KIAA1217: variants seen among roughly 807,000 people sequenced by gnomAD.
The protein encoded by KIAA1217 is KIAA1217.
KIAA1217 carries 88 observed loss-of-function variants against 163.9 expected under a neutral mutation model. The ratio of observed to expected loss-of-function variants is 0.54; its 90% confidence interval spans 0.45 to 0.64. The LOEUF (loss-of-function observed/expected upper bound fraction) is 0.64. Ranked by LOEUF, KIAA1217 falls within the 30% of genes least tolerant of loss-of-function variation. The probability of loss-of-function intolerance (pLI) is 0.00; values close to 1 mark genes in which losing one functional copy is unlikely to be tolerated. For synonymous variants in KIAA1217, 903 were observed against 923.1 expected (o/e 0.98, Z 0.39); for missense variants, 2,372 against 2,475.0 (o/e 0.96, Z 0.88).
intron 1 of KIAA1217, among the ~76,000 whole-genome samples, chr10:23,707,628 C>T (rs1055759100): frequency 2.0e-5 from 3 of 152,130 alleles, no homozygotes; most frequent in Non-Finnish European, 4.4e-5. Context: ...CTGTTAGATA[C>T]AATGTTCACT....
At chr10:23,922,131 C>T (rs990049965) in intron 1 of KIAA1217, among the ~76,000 whole-genome samples, 4 of 152,062 alleles carry the variant, frequency 2.6e-5, no homozygotes, top group African/African-American at 9.7e-5. Context: ...AATGCAACCT[C>T]TGGCCAATAA....
chr10:23,898,560 C>A (rs1256450530), intron 1 of KIAA1217, among the ~76,000 whole-genome samples: 2 of 151,974 alleles, frequency 1.3e-5, no homozygotes, highest in African/African-American at 4.8e-5. Context: ...TATTCTTCTG[C>A]AACTTTCTTC....
intron 1 of KIAA1217, among the ~76,000 whole-genome samples, chr10:23,697,727 A>G (rs1039812090): frequency 6.6e-6 from 1 of 151,300 alleles, no homozygotes; most frequent in African/African-American, 2.4e-5. Context: ...AAAAAAAAAA[A>G]ATTAGCTGGC....
chr10:24,509,576 A>T (rs967402136), intron 9 of KIAA1217, among the ~76,000 whole-genome samples: 2 of 152,176 alleles, frequency 1.3e-5, no homozygotes, highest in Non-Finnish European at 2.9e-5. Flanking sequence ...TCATAGAGCA[A>T]ATACAGTTGC....
intron 6 of KIAA1217, among the ~76,000 whole-genome samples, chr10:24,492,336 TG>T (rs2066259697): frequency 1.3e-5 from 2 of 152,216 alleles, no homozygotes; most frequent in African/African-American, 4.8e-5. Context: ...GACTATTTTA[TG>T]GCAAAGAGGG....
At chr10:23,882,990 G>A (rs1841016098) in intron 1 of KIAA1217, among the ~76,000 whole-genome samples, 1 of 151,858 alleles carries the variant, frequency 6.6e-6, no homozygotes, top group Non-Finnish European at 1.5e-5. Flanking sequence ...TCACTAGAGG[G>A]ATAAATTATA....
At chr10:24,125,091 G>A (rs184346537) in intron 2 of KIAA1217, among the ~76,000 whole-genome samples, 3 of 152,150 alleles carry the variant, frequency 2.0e-5, no homozygotes, top group East Asian at 3.9e-4. Flanking sequence ...GGCCAATACG[G>A]TAAAACCCCG....
rs376404979 is a variant in KIAA1217, at chr10:24,524,620, C to T, written c.2754C>T (p.Ala918=). Residue 918 remains alanine, a synonymous_variant, in exon 13 of 21, where the codon GCC becomes GCT. Coordinates refer to ENST00000376454, the MANE Select transcript of KIAA1217 (RefSeq NM_019590.5). The stretch of plus-strand genomic sequence containing the variant: ...TGCCTCACGTGGCCAGCTCCCCAGC[C>T]GTCCCCCAGGAAGCAACCTCCACTC... ...QNLPHVASSP[A]VPQEATSTLQ... 8.7e-6 allele frequency: 14 copies of T among 1,613,976 alleles called. No homozygotes were observed. The South Asian group carries it at 8.8e-5, about 10-fold the overall frequency.
At chr10:23,824,650 ATAAAAAAAATATAT>A (rs1837798132) in intron 1 of KIAA1217, among the ~76,000 whole-genome samples, 5 of 60,152 alleles carry the variant, frequency 8.3e-5, no homozygotes, top group African/African-American at 3.3e-4. Flanking sequence ...AAAAAAAAAA[ATAAAAAAAATATAT>A]ATATATATAT....
intron 1 of KIAA1217, among the ~76,000 whole-genome samples, chr10:23,804,659 C>T (rs1377313136): frequency 6.6e-6 from 1 of 152,164 alleles, no homozygotes; most frequent in Non-Finnish European, 1.5e-5. Flanking sequence ...GGTCTAGATA[C>T]ACACCGTTGC....
intron 1 of KIAA1217, among the ~76,000 whole-genome samples, chr10:23,804,413 G>C (rs1343548465): frequency 2.6e-5 from 4 of 152,192 alleles, no homozygotes; most frequent in Non-Finnish European, 5.9e-5. Context: ...GAATTTCTCT[G>C]TATGAGTACG....
chr10:24,475,003 G>C (rs1192496997), intron 6 of KIAA1217, among the ~76,000 whole-genome samples: 1 of 152,224 alleles, frequency 6.6e-6, no homozygotes, highest in Non-Finnish European at 1.5e-5. Flanking sequence ...TGGATCACCT[G>C]AGCTCAGGAG....
chr10:24,084,698 A>T (rs1401574949), intron 2 of KIAA1217, among the ~76,000 whole-genome samples: 1 of 152,166 alleles, frequency 6.6e-6, no homozygotes, highest in Non-Finnish European at 1.5e-5. Context: ...CTGAGGGAAC[A>T]TTTCCAAAGG....
At chr10:23,909,100 G>C (rs554046990) in intron 1 of KIAA1217, among the ~76,000 whole-genome samples, 1 of 152,246 alleles carries the variant, frequency 6.6e-6, no homozygotes, top group East Asian at 1.9e-4. Context: ...AGTAACTCAG[G>C]AATGGTAACC....
chr10:23,727,698 C>A (rs766095479), intron 1 of KIAA1217, among the ~76,000 whole-genome samples: 8 of 152,010 alleles, frequency 5.3e-5, no homozygotes, highest in Non-Finnish European at 8.8e-5. Context: ...GCAGAACGTG[C>A]AGTTTTGTTA....
At chr10:24,147,006 T>TAAAA (rs755857019) in intron 2 of KIAA1217, among the ~76,000 whole-genome samples, 5 of 110,720 alleles carry the variant, frequency 4.5e-5, no homozygotes, top group African/African-American at 6.7e-5. Flanking sequence ...TTTGTTTTGT[T>TAAAA]AAAAAAAAAA....
intron 2 of KIAA1217, among the ~76,000 whole-genome samples, chr10:24,329,056 GTATAAA>G (rs1221358488): frequency 6.8e-6 from 1 of 147,246 alleles, no homozygotes; most frequent in Admixed American, 6.8e-5. Flanking sequence ...TATATAAATA[GTATAAA>G]TATATAGTAT....
intron 3 of KIAA1217, among the ~76,000 whole-genome samples, chr10:24,421,517 A>G (rs1169782669): frequency 6.6e-6 from 1 of 152,094 alleles, no homozygotes; most frequent in Non-Finnish European, 1.5e-5. Flanking sequence ...TCTTTTTCTT[A>G]TATTCACCAT....
intron 1 of KIAA1217, among the ~76,000 whole-genome samples, chr10:23,916,192 A>G (rs950749327): frequency 9.9e-5 from 15 of 152,212 alleles, no homozygotes; most frequent in African/African-American, 3.6e-4. Context: ...ACTGATGTCC[A>G]ATGAGGGTGA....
Sources: allele counts gnomAD v4.1 joint callset (sites outside exome capture counted in the v4.1 genomes callset), GRCh38; gene constraint gnomAD v4.1.1; transcripts MANE v1.5; gene names NCBI Gene and HGNC (gene_info 2026-07-23, HGNC 2026-07-21).